Variants in ADAR observed in about 807,000 individuals in gnomAD.
ADAR encodes double-stranded RNA-specific adenosine deaminase.
Under a neutral mutation model 113.2 loss-of-function variants are expected in ADAR, and 41 were observed. The observed-to-expected ratio is 0.36, with a 90% CI of 0.28 to 0.47. The LOEUF is 0.47. ADAR is among the 20% of genes least tolerant of loss of function. ADAR has a pLI of 1.00. For synonymous variants in ADAR, 605 were observed against 572.6 expected, an observed-to-expected ratio of 1.06 and a Z score of -0.81; for missense variants, 1,242 against 1,540.9, an observed-to-expected ratio of 0.81 and a Z score of 3.25.
chr1:154,606,736 T>C (rs1039206515), intron 1 of ADAR, among the ~76,000 whole-genome samples: 5 of 152,154 alleles, frequency 3.3e-5, no homozygotes, highest in Non-Finnish European at 7.3e-5. Flanking sequence ...ATCACCTCTA[T>C]GCAAATTACA....
rs749219840 is a variant in ADAR, at chr1:154,601,543, T to G, written c.1099A>C (p.Arg367=). ...DKKRERMQIK[R]NTNSVPETAP... is the part of the protein sequence containing the mutation. The stretch of plus-strand genomic sequence containing the variant: ...GTTTCAGGAACACTGTTCGTATTTC[T>G]CTTGATTTGCATCCTCTCTCGCTTC... Residue 367 remains arginine (R), a synonymous_variant, in exon 2 of 15, where the codon AGA becomes CGA. Transcript: ENST00000368474. The surrounding 1 kb of genome is among the most constrained non-coding windows in gnomAD (Gnocchi z 4.7). The G allele has an allele frequency of 1.9e-6, 3 of 1,613,226 alleles. No homozygotes were observed.
In ADAR at chr1:154,588,220, G is replaced by A. The variant is rs751760623; in HGVS notation, c.2924C>T (p.Ser975Phe). The part of the protein sequence containing the change: ...PCGDGALFDK[S>F]CSDRAMESTE... Reference sequence around the variant, plus strand: ...GCTTTCCATAGCACGGTCGCTGCAGGACTTGTCAAAGAGGGCGCCATCTCC... The same window carrying A: ...GCTTTCCATAGCACGGTCGCTGCAGAACTTGTCAAAGAGGGCGCCATCTCC... Residue 975 changes from serine to phenylalanine, a missense_variant, in exon 11 of 15, where the codon TCC (serine) becomes TTC (phenylalanine). Physicochemically the swap from Ser to Phe is radical, Grantham distance 155. This residue lies in a region of ADAR where 780 missense variants were observed against 1,057.9 expected (regional missense o/e 0.74). Transcript: ENST00000368474. 1.2e-6 allele frequency: 2 copies of A among 1,614,146 alleles called. No homozygotes were observed. The highest frequency in any genetic ancestry group is 1.7e-6 in the Non-Finnish European group (2 of 1,180,038).
rs1696459584 is a variant in ADAR at position 154,582,380 on chromosome 1, G to A, written c.*2426C>T. 6.6e-6 allele frequency: 1 copy of A among 152,120 alleles called. No individual in the cohort carries two copies. The highest frequency in any genetic ancestry group is 2.1e-4 in the South Asian group (1 of 4,824). The allele number at this position is 152,120 out of a possible 1,614,324, so 9.4% of individuals were successfully genotyped here. ...CAAAAATCATTAAAAAGAAGAGTAG[G>A]GAGGGTCACTGCTTATTAAAAACAA... On this transcript the variant is annotated 3_prime_UTR_variant, in exon 15 of 15. Coordinates refer to ENST00000368474, the MANE Select transcript of ADAR (RefSeq NM_001111.5).
chr1:154,593,968 C>T (rs1478128127), intron 6 of ADAR, among the ~76,000 whole-genome samples: 2 of 152,008 alleles, frequency 1.3e-5, no homozygotes, highest in African/African-American at 2.4e-5. Context: ...ACTGCAACTT[C>T]CGCCTCCTGG....
intron 6 of ADAR, among the ~76,000 whole-genome samples, chr1:154,594,764 T>G (rs913051668): frequency 1.3e-5 from 2 of 152,224 alleles, no homozygotes; most frequent in Non-Finnish European, 2.9e-5. Context: ...AAGTCCCTAT[T>G]AAATGTTTAC....
intron 7 of ADAR, 44 bp downstream of exon 7, chr1:154,590,140 G>GGGGGGGGC: frequency 7.3e-7 from 1 of 1,373,184 alleles, no homozygotes; most frequent in Non-Finnish European, 1.0e-6. Context: ...GAGTTAGGAG[G>GGGGGGGGC]ACCCCCCCGC....
intron 1 of ADAR, among the ~76,000 whole-genome samples, chr1:154,626,003 C>CA (rs60388172): frequency 0.012 from 999 of 82,224 alleles, 17 homozygotes; most frequent in African/African-American, 0.029. Flanking sequence ...GACTCTGTCT[C>CA]AAAAAAAAAA....
chr1:154,597,789 G>T (rs1438740424), intron 4 of ADAR, 39 bp downstream of exon 4: 133 of 1,613,230 alleles, frequency 8.2e-5, no homozygotes, highest in Non-Finnish European at 1.1e-4. Context: ...TTTTCTTTCT[G>T]AGAAAACCTC....
At chr1:154,623,997 G>T (rs528972399) in intron 1 of ADAR, among the ~76,000 whole-genome samples, 1 of 149,014 alleles carries the variant, frequency 6.7e-6, no homozygotes, top group Non-Finnish European at 1.5e-5. Context: ...AGAGCAAGAC[G>T]AGCAAGACTC....
At chr1:154,621,188 T>A (rs566280705) in intron 1 of ADAR, among the ~76,000 whole-genome samples, 80 of 152,312 alleles carry the variant, frequency 5.3e-4, no homozygotes, top group African/African-American at 1.9e-3. Flanking sequence ...TTAAAACTGA[T>A]TTTATTTAAA....
intron 6 of ADAR, among the ~76,000 whole-genome samples, chr1:154,594,836 T>C (rs1571082002): frequency 6.6e-6 from 1 of 152,328 alleles, no homozygotes; most frequent in Middle Eastern, 3.4e-3. Flanking sequence ...ATGCAAGAAG[T>C]CTGGTAAGTA....
chr1:154,623,069 ACT>A (rs10565297), intron 1 of ADAR, among the ~76,000 whole-genome samples: 45,349 of 151,986 alleles, frequency 0.3, 6,774 homozygotes, highest in Non-Finnish European at 0.31. Context: ...AGCAAAGGAC[ACT>A]CTGTCCTCAA....
At chr1:154,598,055 G>C in intron 3 of ADAR, 79 bp from the exon 4 acceptor site, 1 of 1,504,514 alleles carries the variant, frequency 6.6e-7, no homozygotes, top group South Asian at 1.2e-5. Context: ...GGATGGGGAT[G>C]GGGGACTTTA....
At chr1:154,602,868 G>A (rs1246431545) in intron 1 of ADAR, among the ~76,000 whole-genome samples, 2 of 152,188 alleles carry the variant, frequency 1.3e-5, no homozygotes, top group Non-Finnish European at 2.9e-5. Context: ...GAATACAGAG[G>A]TTCTGAGGCC....
At chr1:154,622,132 G>C (rs548116706) in intron 1 of ADAR, among the ~76,000 whole-genome samples, 1 of 152,234 alleles carries the variant, frequency 6.6e-6, no homozygotes, top group South Asian at 2.1e-4. Context: ...GTCCTGAAAA[G>C]CAGAGTGGGC....
In ADAR at chr1:154,597,310, A is replaced by T. The variant is rs201324555; in HGVS notation, c.1935-43T>A. 3.7e-6 allele frequency: 6 copies of T among 1,612,302 alleles called. No individual in the cohort carries two copies. The African/African-American group carries it at 6.7e-5, about 18-fold the overall frequency. On this transcript the variant is annotated intron_variant, in intron 4 of 14. Transcript: ENST00000368474. Reference sequence around the variant, plus strand: ...ACGTAGAAGGATTAAAATGGTTTTGACTGAGGAGCCTGACCTAGCCTCTGC... The same window carrying T: ...ACGTAGAAGGATTAAAATGGTTTTGTCTGAGGAGCCTGACCTAGCCTCTGC...
At chr1:154,585,499 G>C in intron 13 of ADAR, 155 bp from the exon 14 acceptor site, 1 of 1,067,830 alleles carries the variant, frequency 9.4e-7, no homozygotes, top group South Asian at 1.3e-5. Flanking sequence ...GCACCCTCTA[G>C]ACATACTAAC....
At position 154,584,836 on chromosome 1, in the gene ADAR, C is replaced by T. The variant is rs1177879091; in HGVS notation, c.3651G>A (p.Glu1217=). Residue 1217 remains glutamate, a synonymous_variant, in exon 15 of 15, where the codon GAG becomes GAA. Coordinates refer to ENST00000368474, the MANE Select transcript of ADAR (RefSeq NM_001111.5). The part of the protein sequence containing the change: ...GYGNWISKPQ[E]EKNFYLCPV ...CTGGGCAGAGATAAAAGTTCTTTTC[C>T]TCCTGGGGTTTGCTAATCCAGTTCC... 6.2e-7 allele frequency: 1 copy of T among 1,614,086 alleles called. No homozygotes were observed. The highest frequency in any genetic ancestry group is 1.7e-5 in the Admixed American group (1 of 60,012).
Position 154,589,524 on chromosome 1 carries a change from A to C in ADAR, c.2669-62T>G. On this transcript the variant is annotated intron_variant, in intron 8 of 14. Coordinates refer to ENST00000368474, the MANE Select transcript of ADAR (RefSeq NM_001111.5). Reference sequence around the variant, plus strand: ...AGGAAACCGATGGAAAACAGGATGAAGGCTATTTGTTCTGAAAGCTTCAAG... The same window carrying C: ...AGGAAACCGATGGAAAACAGGATGACGGCTATTTGTTCTGAAAGCTTCAAG... 3 of 1,463,500 alleles carry C rather than the reference A, an allele frequency of 2.0e-6. No individual in the cohort carries two copies. The South Asian group carries it at 3.4e-5, about 17-fold the overall frequency. 90.7% of individuals were successfully genotyped at this position (1,463,500 alleles called of 1,614,324 possible). A position where few individuals can be genotyped will look rare whatever the true frequency, so the allele number is the denominator to read the frequency against.
Sources: gnomAD v4.1 joint callset for allele counts (sites outside exome capture counted in the v4.1 genomes callset) on GRCh38, gnomAD v4.1.1 for gene constraint, gnomAD v4.1.1 regional missense constraint, Gnocchi (gnomAD v3.1) non-coding constraint, MANE v1.5 for transcripts, NCBI Gene and HGNC (gene_info 2026-07-23, HGNC 2026-07-21) for gene names.